The following MYOZ2 variants were observed in gnomAD, a reference collection of about 807,000 sequenced individuals.
The protein encoded by MYOZ2 is myozenin 2.
In MYOZ2, 19 loss-of-function variants were observed where a neutral mutation model predicts 25.4. That is an observed-to-expected ratio of 0.75 (90% CI 0.52 to 1.10). MYOZ2 has a LOEUF of 1.10. MYOZ2 is among the 50% of genes least tolerant of loss of function. The pLI is 0.00. For missense variants in MYOZ2, 270 were observed against 317.9 expected, an observed-to-expected ratio of 0.85 and a Z score of 1.15; for synonymous variants, 92 against 106.9, an observed-to-expected ratio of 0.86 and a Z score of 0.86.
At chr4:119,142,449 C>T (rs901805186) in intron 2 of MYOZ2, among the ~76,000 whole-genome samples, 5 of 152,190 alleles carry the variant, frequency 3.3e-5, no homozygotes, top group Non-Finnish European at 5.9e-5. Context: ...GCTCATCCTT[C>T]CATGGTCCAA....
rs1742285153 is a variant in MYOZ2 at position 119,185,991 on chromosome 4, GA to G, written c.591del (p.Ala198HisfsTer17). ...NRVATPFGGF[E>X]KASRMVKFKV... ...GGTTGCCACACCATTTGGAGGTTTT[GA>G]AAAAGCATCAAGAATGGTTAAATTT... On this transcript the variant is annotated frameshift_variant, in exon 6 of 6. Coordinates refer to ENST00000307128, the MANE Select transcript of MYOZ2 (RefSeq NM_016599.5). LOFTEE classifies it high-confidence loss of function. The G allele has an allele frequency of 1.2e-6, 2 of 1,613,106 alleles. No homozygotes were observed. Among genetic ancestry groups the G allele is most frequent in the Non-Finnish European group, 1.7e-6 (2 of 1,179,802 alleles).
At chr4:119,174,881 GA>G (rs1367489527) in intron 5 of MYOZ2, among the ~76,000 whole-genome samples, 1 of 152,122 alleles carries the variant, frequency 6.6e-6, no homozygotes, top group African/African-American at 2.4e-5. Context: ...CTTCACTCCT[GA>G]AGCAGTGAGA....
intron 5 of MYOZ2, among the ~76,000 whole-genome samples, chr4:119,183,720 C>T (rs573251404): frequency 6.6e-6 from 1 of 152,272 alleles, no homozygotes; most frequent in Admixed American, 6.5e-5. Flanking sequence ...TCCTGACCCA[C>T]CCACTTTTTT....
chr4:119,145,338 G>GTTTTTT (rs60344545), intron 2 of MYOZ2, among the ~76,000 whole-genome samples: 13 of 100,604 alleles, frequency 1.3e-4, no homozygotes, highest in African/African-American at 3.5e-4. Context: ...TGCGTGTGTG[G>GTTTTTT]TTTTTTTTTT....
chr4:119,143,857 T>C (rs1054818487), intron 2 of MYOZ2, among the ~76,000 whole-genome samples: 2 of 152,226 alleles, frequency 1.3e-5, no homozygotes, highest in Non-Finnish European at 2.9e-5. Context: ...TTAAGAATCC[T>C]TCATGTCTTT....
At chr4:119,141,679 G>C (rs988407457) in intron 2 of MYOZ2, among the ~76,000 whole-genome samples, 1 of 152,134 alleles carries the variant, frequency 6.6e-6, no homozygotes, top group Non-Finnish European at 1.5e-5. Context: ...ACCATGCCCG[G>C]CCTTATTTTT....
chr4:119,160,462 AATCTCT>A (rs1213324397), intron 4 of MYOZ2, among the ~76,000 whole-genome samples: 7 of 152,170 alleles, frequency 4.6e-5, no homozygotes, highest in African/African-American at 1.7e-4. Context: ...TAGAAGAATT[AATCTCT>A]ATCTTCAAAG....
chr4:119,162,146 T>C (rs2149224588), intron 4 of MYOZ2, among the ~76,000 whole-genome samples: 1 of 152,106 alleles, frequency 6.6e-6, no homozygotes, highest in South Asian at 2.1e-4. Flanking sequence ...CAGTAGAAAT[T>C]CGCACATGAC....
At chr4:119,160,715 G>A (rs75684224) in intron 4 of MYOZ2, among the ~76,000 whole-genome samples, 2,878 of 151,954 alleles carry the variant, frequency 0.019, 94 homozygotes, top group African/African-American at 0.066. Context: ...CTCATTTAAC[G>A]GAACCTCAAA....
intron 2 of MYOZ2, among the ~76,000 whole-genome samples, chr4:119,138,817 A>G (rs764473313): frequency 6.6e-6 from 1 of 152,176 alleles, no homozygotes; most frequent in African/African-American, 2.4e-5. Flanking sequence ...AGTTGGCTAA[A>G]TCACTTGTTG....
chr4:119,136,664 GTTGT>G, intron 2 of MYOZ2, 63 bp downstream of exon 2: 1 of 1,495,188 alleles, frequency 6.7e-7, no homozygotes, highest in Non-Finnish European at 9.3e-7. Flanking sequence ...CCATCCTGAC[GTTGT>G]TTAATATTCC....
At chr4:119,180,467 C>T (rs1418594031) in intron 5 of MYOZ2, among the ~76,000 whole-genome samples, 1 of 152,224 alleles carries the variant, frequency 6.6e-6, no homozygotes, top group Non-Finnish European at 1.5e-5. Flanking sequence ...CTGCATACTG[C>T]TATTCGCCTT....
chr4:119,176,229 C>CT (rs34324861), intron 5 of MYOZ2, among the ~76,000 whole-genome samples: 14 of 150,780 alleles, frequency 9.3e-5, no homozygotes, highest in East Asian at 7.8e-4. Context: ...ATTGAACAAA[C>CT]TTTTTTTTTT....
intron 2 of MYOZ2, among the ~76,000 whole-genome samples, chr4:119,149,152 A>G (rs1029347431): frequency 6.6e-6 from 1 of 152,118 alleles, no homozygotes. Flanking sequence ...ATTTGGCTCC[A>G]CTGAAACTTG....
intron 4 of MYOZ2, among the ~76,000 whole-genome samples, chr4:119,160,167 G>A (rs985118296): frequency 1.1e-4 from 16 of 152,164 alleles, no homozygotes; most frequent in African/African-American, 3.9e-4. Context: ...AAGTAAGTGT[G>A]ATGGTATGCG....
At chr4:119,182,306 C>T (rs1055996862) in intron 5 of MYOZ2, among the ~76,000 whole-genome samples, 1 of 152,206 alleles carries the variant, frequency 6.6e-6, no homozygotes, top group African/African-American at 2.4e-5. Context: ...GTTGGCTTTA[C>T]TCTACTTCCA....
intron 2 of MYOZ2, among the ~76,000 whole-genome samples, chr4:119,147,837 T>A (rs1440724776): frequency 6.6e-6 from 1 of 152,086 alleles, no homozygotes; most frequent in East Asian, 1.9e-4. Flanking sequence ...TTTACATCAG[T>A]CAGTATTATA....
At chr4:119,137,686 T>G (rs1435620793) in intron 2 of MYOZ2, among the ~76,000 whole-genome samples, 4 of 152,210 alleles carry the variant, frequency 2.6e-5, no homozygotes, top group Admixed American at 2.0e-4. Flanking sequence ...TGGATTCAAC[T>G]TGGTTCTCAT....
At chr4:119,169,962 G>T (rs1314571015) in intron 5 of MYOZ2, among the ~76,000 whole-genome samples, 1 of 151,944 alleles carries the variant, frequency 6.6e-6, no homozygotes, top group Non-Finnish European at 1.5e-5. Flanking sequence ...CATCCTACAG[G>T]TTTTTTTAAA....
Sources: gnomAD v4.1 joint callset for allele counts (sites outside exome capture counted in the v4.1 genomes callset) on GRCh38, gnomAD v4.1.1 for gene constraint, MANE v1.5 for transcripts, NCBI Gene and HGNC (gene_info 2026-07-23, HGNC 2026-07-21) for gene names.